Variants in SPAG16 observed in about 807,000 individuals in gnomAD.
SPAG16 encodes the protein sperm-associated antigen 16 protein.
In SPAG16, 86 loss-of-function variants were observed where a neutral mutation model predicts 80.4. The ratio of observed to expected loss-of-function variants is 1.07; its 90% CI spans 0.90 to 1.28. The LOEUF (loss-of-function observed/expected upper bound fraction) is 1.28, where lower values mean the gene tolerates loss of function less well. Among genes scored for constraint, SPAG16 ranks in the 50% most tolerant of loss-of-function variants. The pLI is 0.00. For synonymous variants in SPAG16, 294 were observed against 265.9 expected (o/e 1.11, Z -1.03); for missense variants, 870 against 765.3 (o/e 1.14, Z -1.61).
chr2:214,367,188 G>A (rs1287129941), intron 15 of SPAG16, among the ~76,000 whole-genome samples: 1 of 152,120 alleles, frequency 6.6e-6, no homozygotes, highest in Non-Finnish European at 1.5e-5. Flanking sequence ...AAGGTTAAGA[G>A]TGATGAAAAA....
At chr2:213,969,199 CAGAG>C (rs1339407467) in intron 12 of SPAG16, among the ~76,000 whole-genome samples, 1 of 152,162 alleles carries the variant, frequency 6.6e-6, no homozygotes, top group Non-Finnish European at 1.5e-5. Context: ...TTGAGGCAGA[CAGAG>C]AGCTATTAAT....
intron 2 of SPAG16, 150 bp downstream of exon 2, chr2:213,296,260 TAAG>T (rs2062491725): frequency 1.4e-5 from 8 of 561,562 alleles, no homozygotes; most frequent in Admixed American, 9.6e-5. Flanking sequence ...ATCAGCTGAT[TAAG>T]AATGAGATGT....
intron 12 of SPAG16, among the ~76,000 whole-genome samples, chr2:213,935,159 G>A (rs373421595): frequency 1.0e-3 from 147 of 143,374 alleles, no homozygotes; most frequent in African/African-American, 3.5e-3. Flanking sequence ...CCGAGATAGC[G>A]CCACTGCACT....
chr2:214,289,837 T>C (rs1693659433), intron 15 of SPAG16, among the ~76,000 whole-genome samples: 2 of 152,164 alleles, frequency 1.3e-5, no homozygotes, highest in Non-Finnish European at 2.9e-5. Flanking sequence ...TTAACAAAAT[T>C]GAGTTTCCCA....
At chr2:213,330,979 G>T (rs1219650868) in intron 5 of SPAG16, among the ~76,000 whole-genome samples, 1 of 152,158 alleles carries the variant, frequency 6.6e-6, no homozygotes, top group African/African-American at 2.4e-5. Flanking sequence ...CTCCATGATT[G>T]TGAGGCCTCC....
chr2:214,056,548 A>C (rs1416827061), intron 13 of SPAG16, among the ~76,000 whole-genome samples: 1 of 152,042 alleles, frequency 6.6e-6, no homozygotes, highest in African/African-American at 2.4e-5. Flanking sequence ...AAATTCTCAC[A>C]ATCAACTGAG....
chr2:214,290,031 G>A lies in SPAG16; in HGVS notation c.1721-120109G>A, dbSNP rs149561845. On this transcript the variant is annotated intron_variant, in intron 15 of 15. Transcript: ENST00000331683. Reference sequence around the variant, plus strand: ...TATATGTTTGGTAGAATTTGGCTGTGAATTCATCTGGTCCTGGGATTTTCT... The same window carrying A: ...TATATGTTTGGTAGAATTTGGCTGTAAATTCATCTGGTCCTGGGATTTTCT... Among the ~76,000 whole-genome samples the A allele has an allele frequency of 6.3e-3, 961 of 152,186 alleles. 6 individuals are homozygous for A. Among genetic ancestry groups the A allele is most frequent in the African/African-American group, 0.022 (901 of 41,534 alleles).
chr2:213,353,847 T>A (rs1490755133), intron 7 of SPAG16, among the ~76,000 whole-genome samples: 1 of 152,184 alleles, frequency 6.6e-6, no homozygotes, highest in Admixed American at 6.5e-5. Context: ...AAATTCCACT[T>A]TCACCCTAAA....
At chr2:214,359,338 C>T (rs546437843) in intron 15 of SPAG16, among the ~76,000 whole-genome samples, 1 of 151,830 alleles carries the variant, frequency 6.6e-6, no homozygotes, top group South Asian at 2.1e-4. Context: ...AGATCCTATA[C>T]CCTTACTATA....
At chr2:214,258,500 C>CAT (rs1351129126) in intron 15 of SPAG16, among the ~76,000 whole-genome samples, 1 of 143,804 alleles carries the variant, frequency 7.0e-6, no homozygotes, top group South Asian at 2.2e-4. Flanking sequence ...TACACACACA[C>CAT]ATATATGTAC....
At chr2:214,079,073 A>C (rs1377678565) in intron 13 of SPAG16, among the ~76,000 whole-genome samples, 1 of 152,128 alleles carries the variant, frequency 6.6e-6, no homozygotes, top group African/African-American at 2.4e-5. Flanking sequence ...CTGCCCTTCC[A>C]TTGCTTGTTC....
At chr2:213,373,933 G>A (rs1243875098) in intron 8 of SPAG16, among the ~76,000 whole-genome samples, 1 of 152,196 alleles carries the variant, frequency 6.6e-6, no homozygotes, top group African/African-American at 2.4e-5. Context: ...TAAAAGAGAA[G>A]CAGAAGTAAA....
chr2:213,371,787 A>G (rs921618756), intron 8 of SPAG16, among the ~76,000 whole-genome samples: 1 of 152,206 alleles, frequency 6.6e-6, no homozygotes, highest in Non-Finnish European at 1.5e-5. Context: ...TATTTTAAAC[A>G]TACTTTTTTG....
At chr2:213,922,527 C>G (rs1219128272) in intron 11 of SPAG16, among the ~76,000 whole-genome samples, 1 of 152,096 alleles carries the variant, frequency 6.6e-6, no homozygotes, top group Non-Finnish European at 1.5e-5. Flanking sequence ...CTATTTCTCT[C>G]ATTTCAGATA....
At chr2:213,642,701 G>A (rs2062637995) in intron 10 of SPAG16, among the ~76,000 whole-genome samples, 1 of 98,548 alleles carries the variant, frequency 1.0e-5, no homozygotes, top group Non-Finnish European at 2.0e-5. Context: ...GGCGCCTGTA[G>A]TCCCAGCTAC....
intron 10 of SPAG16, among the ~76,000 whole-genome samples, chr2:213,502,440 A>G (rs889964150): frequency 2.6e-5 from 4 of 152,134 alleles, no homozygotes; most frequent in African/African-American, 4.8e-5. Flanking sequence ...TCCTTTTTAT[A>G]CAAGGAACCA....
intron 13 of SPAG16, among the ~76,000 whole-genome samples, chr2:214,069,086 T>C (rs962460495): frequency 1.3e-4 from 20 of 152,150 alleles, no homozygotes; most frequent in African/African-American, 4.8e-4. Context: ...ACATTCCATA[T>C]AGTTTTGCCC....
chr2:214,119,924 T>G (rs987626100), intron 14 of SPAG16, among the ~76,000 whole-genome samples: 1 of 152,024 alleles, frequency 6.6e-6, no homozygotes, highest in Non-Finnish European at 1.5e-5. Context: ...GTTGATCCTT[T>G]GTAGATAAGG....
At chr2:213,543,583 AT>A (rs2076523258) in intron 10 of SPAG16, among the ~76,000 whole-genome samples, 1 of 151,604 alleles carries the variant, frequency 6.6e-6, no homozygotes, top group Admixed American at 6.6e-5. Context: ...CTGCATCCCA[AT>A]TTATTTGAGA....
Sources: allele counts gnomAD v4.1 joint callset (sites outside exome capture counted in the v4.1 genomes callset), GRCh38; gene constraint gnomAD v4.1.1; transcripts MANE v1.5; gene names NCBI Gene and HGNC (gene_info 2026-07-23, HGNC 2026-07-21).